The following APP variants were observed in gnomAD, a reference collection of about 807,000 sequenced individuals.
The protein encoded by APP is amyloid beta precursor protein.
APP carries 31 observed loss-of-function variants against 101.4 expected under a neutral mutation model. The observed-to-expected ratio is 0.31, with a 90% CI of 0.23 to 0.41. APP has a LOEUF of 0.41. Among genes scored for constraint, APP ranks in the 10% least tolerant of loss-of-function variants. The probability of loss-of-function intolerance (pLI) is 1.00; values close to 1 mark genes in which losing one functional copy is unlikely to be tolerated. For synonymous variants in APP, 366 were observed against 364.4 expected, an observed-to-expected ratio of 1.00 and a Z score of -0.05; for missense variants, 839 against 1,003.7, an observed-to-expected ratio of 0.84 and a Z score of 2.22.
intron 11 of APP, among the ~76,000 whole-genome samples, chr21:25,967,257 G>A (rs550451461): frequency 2.6e-5 from 4 of 152,128 alleles, no homozygotes; most frequent in Non-Finnish European, 5.9e-5. Flanking sequence ...GCAGATAGAA[G>A]CATGAAATGA....
intron 13 of APP, among the ~76,000 whole-genome samples, chr21:25,912,596 C>T (rs1357696831): frequency 6.6e-6 from 1 of 152,168 alleles, no homozygotes; most frequent in Non-Finnish European, 1.5e-5. Context: ...AGATGTAGCC[C>T]TGCAGACAGA....
intron 1 of APP, among the ~76,000 whole-genome samples, chr21:26,137,116 A>G (rs1051185545): frequency 1.3e-5 from 2 of 151,876 alleles, no homozygotes; most frequent in South Asian, 2.1e-4. Flanking sequence ...AATTTTTCCT[A>G]TTTTCAGTAG....
intron 13 of APP, among the ~76,000 whole-genome samples, chr21:25,918,078 T>C (rs964186910): frequency 1.3e-5 from 2 of 152,202 alleles, no homozygotes; most frequent in African/African-American, 4.8e-5. Flanking sequence ...TTTTACACTG[T>C]TGGTGAGAGT....
At chr21:26,061,124 G>A (rs979412167) in intron 3 of APP, among the ~76,000 whole-genome samples, 9 of 152,306 alleles carry the variant, frequency 5.9e-5, no homozygotes, top group Middle Eastern at 3.4e-3. Flanking sequence ...GAGGTGGTGC[G>A]TGTTCTCAGA....
intron 15 of APP, among the ~76,000 whole-genome samples, chr21:25,900,627 A>C (rs1026376140): frequency 2.6e-5 from 4 of 152,156 alleles, no homozygotes; most frequent in African/African-American, 9.7e-5. Context: ...TGAGATTTTT[A>C]AGAAAACTTT....
Position 25,918,824 on chromosome 21 carries a change from A to G in APP, c.1688-6862T>C, listed in dbSNP as rs1360601101. 1.1e-4 allele frequency among the ~76,000 whole-genome samples: 16 copies of G among 150,230 alleles called. No individual in the cohort carries two copies. In the South Asian group the frequency reaches 2.3e-3, roughly 22 times the overall value. On this transcript the variant is annotated intron_variant, in intron 13 of 17. Coordinates refer to ENST00000346798, the MANE Select transcript of APP (RefSeq NM_000484.4). ...GGGGGAGGGGAGCCCGCCATTGCCC[A>G]GGCTTGCTTAGGTAAACAAAGCAGC...
intron 5 of APP, among the ~76,000 whole-genome samples, chr21:26,049,239 G>A (rs1601323309): frequency 6.6e-6 from 1 of 152,244 alleles, no homozygotes; most frequent in Middle Eastern, 3.4e-3. Flanking sequence ...TGAGAGTCCA[G>A]CAGAACATAA....
chr21:26,091,714 G>C (rs1356991458), intron 2 of APP, among the ~76,000 whole-genome samples: 1 of 152,166 alleles, frequency 6.6e-6, no homozygotes, highest in South Asian at 2.1e-4. Context: ...TTCAAGCTGA[G>C]GTAGGGGGGC....
intron 13 of APP, among the ~76,000 whole-genome samples, chr21:25,926,077 A>T (rs1420891549): frequency 6.6e-6 from 1 of 152,232 alleles, no homozygotes; most frequent in Non-Finnish European, 1.5e-5. Context: ...TCATGCCTTG[A>T]AGTTTCTTAT....
At chr21:26,004,959 A>T (rs1408839684) in intron 6 of APP, among the ~76,000 whole-genome samples, 19 of 152,140 alleles carry the variant, frequency 1.2e-4, no homozygotes, top group Admixed American at 1.2e-3. Context: ...AGCTTCATCC[A>T]TGTCCCTACA....
In APP at chr21:25,975,175, C is replaced by T; in HGVS notation, c.1353G>A (p.Gln451=). The T allele has an allele frequency of 6.2e-7, 1 of 1,614,194 alleles. No homozygotes were observed. The highest frequency in any genetic ancestry group is 8.5e-7 in the Non-Finnish European group (1 of 1,180,024). Residue 451 remains glutamine (Q), a synonymous_variant, in exon 11 of 18, where the codon CAG becomes CAA. Coordinates refer to ENST00000346798, the MANE Select transcript of APP (RefSeq NM_000484.4). ...TGGCCATGTGTGTCTCCACCAGCTG[C>T]TGTCTCTCGTTGGCTGCTTCCTGTT... The part of the protein sequence containing the change: ...SLEQEAANER[Q]QLVETHMARV...
intron 1 of APP, among the ~76,000 whole-genome samples, chr21:26,162,231 G>C (rs2063506759): frequency 6.6e-6 from 1 of 152,118 alleles, no homozygotes; most frequent in Admixed American, 6.5e-5. Flanking sequence ...CTGGAGGCTG[G>C]GGCAGGAAGA....
intron 3 of APP, among the ~76,000 whole-genome samples, chr21:26,078,766 C>G (rs1165251573): frequency 1.3e-5 from 2 of 152,182 alleles, no homozygotes; most frequent in African/African-American, 4.8e-5. Context: ...TCAAACTCGG[C>G]AGGGTGTGGT....
chr21:25,900,433 C>T (rs1412388536), intron 15 of APP, among the ~76,000 whole-genome samples: 1 of 148,042 alleles, frequency 6.8e-6, no homozygotes, highest in East Asian at 2.0e-4. Context: ...GTGGCGGGTG[C>T]CTGTAATCCC....
intron 3 of APP, among the ~76,000 whole-genome samples, chr21:26,084,808 G>GCAT (rs774319619): frequency 3.3e-5 from 5 of 152,022 alleles, no homozygotes; most frequent in Admixed American, 6.5e-5. Flanking sequence ...TTTTATTTTG[G>GCAT]CATCATGGTG....
Position 25,897,695 on chromosome 21 carries a change from G to A in APP, c.1964-22C>T, listed in dbSNP as rs1260796086. On this transcript the variant is annotated intron_variant, in intron 15 of 17. Transcript: ENST00000346798. ...GAACCTGTATTACATCATAATTAAA[G>A]TATGCAGGACAACCAATTAGTTTTA... is the stretch of plus-strand genomic sequence containing the variant. 4 of 1,575,454 alleles carry A rather than the reference G, an allele frequency of 2.5e-6. No individual in the cohort carries two copies. In the African/African-American group the frequency reaches 4.0e-5, roughly 16 times the overall value.
intron 13 of APP, among the ~76,000 whole-genome samples, chr21:25,925,532 A>G (rs1355139572): frequency 6.6e-6 from 1 of 152,186 alleles, no homozygotes; most frequent in Middle Eastern, 3.2e-3. Flanking sequence ...GGTGACTCTC[A>G]TGCATGTTAC....
chr21:26,086,176 T>C (rs2061699466), intron 3 of APP, among the ~76,000 whole-genome samples: 1 of 152,218 alleles, frequency 6.6e-6, no homozygotes, highest in African/African-American at 2.4e-5. Flanking sequence ...ACAGTAATGA[T>C]GTGCTTGAAT....
chr21:26,029,021 G>A (rs1601258853), intron 5 of APP, among the ~76,000 whole-genome samples: 1 of 152,246 alleles, frequency 6.6e-6, no homozygotes, highest in Non-Finnish European at 1.5e-5. Flanking sequence ...AGAGTGCATG[G>A]ATGGCTGAGG....
Sources: allele counts gnomAD v4.1 joint callset (sites outside exome capture counted in the v4.1 genomes callset), GRCh38; gene constraint gnomAD v4.1.1; transcripts MANE v1.5; gene names NCBI Gene and HGNC (gene_info 2026-07-23, HGNC 2026-07-21).